Variants in IKBKB observed in about 807,000 individuals in gnomAD.
IKBKB encodes inhibitor of nuclear factor kappa-B kinase subunit beta.
A neutral mutation model predicts 113.6 loss-of-function variants in IKBKB; 42 were observed. The ratio of observed to expected loss-of-function variants is 0.37; its 90% CI spans 0.29 to 0.48. The LOEUF is 0.48. IKBKB is among the 20% of genes least tolerant of loss of function. The pLI, the probability that IKBKB is intolerant of heterozygous loss-of-function variation, is 0.99. For synonymous variants in IKBKB, 296 were observed against 361.3 expected (o/e 0.82, Z 2.05); for missense variants, 673 against 939.7 (o/e 0.72, Z 3.71).
chr8:42,330,674 C>A, intron 21 of IKBKB: 2 of 304,630 alleles, frequency 6.6e-6, no homozygotes, highest in Non-Finnish European at 9.6e-6. Flanking sequence ...CCACGCCTGG[C>A]TAATTTTGTA....
rs1455966580 is a variant in IKBKB at position 42,316,668 on chromosome 8, T to C, written c.931-42T>C. 1.3e-6 allele frequency: 2 copies of C among 1,567,972 alleles called. No homozygotes were observed. The highest frequency in any genetic ancestry group is 2.3e-5 in the East Asian group (1 of 44,380). ...CTAGGCAAATAGATGGGCATTTCCTTGAAGAAATCGGTTTTCCAGTAACAT... is the reference window on the plus strand; with the variant it reads ...CTAGGCAAATAGATGGGCATTTCCTCGAAGAAATCGGTTTTCCAGTAACAT... On this transcript the variant is annotated intron_variant, in intron 10 of 21. Transcript: ENST00000520810. This position sits in a 1 kb window ranked among gnomAD's most constrained non-coding sequence, Gnocchi z 4.5.
At chr8:42,281,462 C>G (rs1433027451) in intron 2 of IKBKB, among the ~76,000 whole-genome samples, 1 of 152,166 alleles carries the variant, frequency 6.6e-6, no homozygotes, top group Non-Finnish European at 1.5e-5. Flanking sequence ...GAGGGAGTTA[C>G]ACCTGGACCT....
chr8:42,314,295 T>C lies in IKBKB; in HGVS notation c.693-27T>C, dbSNP rs201904547. 6.6e-5 allele frequency: 98 copies of C among 1,491,944 alleles called. 2 individuals are homozygous for C. In the South Asian group the frequency reaches 1.0e-3, roughly 16 times the overall value. 92.4% of individuals were successfully genotyped at this position (1,491,944 alleles called of 1,614,324 possible). On this transcript the variant is annotated intron_variant, in intron 8 of 21. Transcript: ENST00000520810. ...TGTCCCCGTCATAGCAACGTGTGAC[T>C]GCACCTAACAAGATTCATATTTGCA...
intron 5 of IKBKB, chr8:42,298,413 G>T (rs960788324): frequency 6.1e-6 from 6 of 985,428 alleles, no homozygotes; most frequent in Non-Finnish European, 7.2e-6. Context: ...CAGGACTTCA[G>T]CGTTAAAGAA....
intron 16 of IKBKB, 61 bp from the exon 17 acceptor site, chr8:42,321,835 A>C: frequency 1.5e-6 from 2 of 1,290,530 alleles, no homozygotes; most frequent in Non-Finnish European, 2.2e-6. Flanking sequence ...TCTACCAAAA[A>C]AATGTAAAAA....
intron 5 of IKBKB, chr8:42,298,018 G>A: frequency 1.2e-6 from 1 of 863,146 alleles, no homozygotes; most frequent in Non-Finnish European, 1.4e-6. Flanking sequence ...GGACCCATGT[G>A]GAGCAGCTGG....
intron 5 of IKBKB, among the ~76,000 whole-genome samples, chr8:42,299,482 G>GTGAT (rs1814682762): frequency 6.6e-6 from 1 of 151,874 alleles, no homozygotes; most frequent in South Asian, 2.1e-4. Flanking sequence ...ACCTCTGTGT[G>GTGAT]TGACCCTTGG....
Position 42,305,385 on chromosome 8 carries a change from G to A in IKBKB, c.477+110G>A, listed in dbSNP as rs950908784. 11 of 687,652 alleles carry A rather than the reference G, an allele frequency of 1.6e-5. No individual in the cohort carries two copies. The African/African-American group carries it at 1.8e-4, about 11-fold the overall frequency. 42.6% of individuals were successfully genotyped at this position (687,652 alleles called of 1,614,324 possible). On this transcript the variant is annotated intron_variant, in intron 6 of 21. Transcript: ENST00000520810. Reference sequence around the variant, plus strand: ...TGTGTGTATTTGCATTTCCTTGCCTGTGCTTTGATTCTCTGGGAATGCTGT... The same window carrying A: ...TGTGTGTATTTGCATTTCCTTGCCTATGCTTTGATTCTCTGGGAATGCTGT...
chr8:42,284,584 A>G (rs1467683545), intron 2 of IKBKB, among the ~76,000 whole-genome samples: 4 of 151,176 alleles, frequency 2.6e-5, no homozygotes, highest in Non-Finnish European at 5.9e-5. Flanking sequence ...TCCGTCTCAA[A>G]AAAAAAAAAA....
intron 2 of IKBKB, among the ~76,000 whole-genome samples, chr8:42,286,446 A>G (rs2130252236): frequency 6.6e-6 from 1 of 152,222 alleles, no homozygotes; most frequent in South Asian, 2.1e-4. Context: ...GAACAGCCAC[A>G]CTGGGAGGCC....
chr8:42,313,319 C>T (rs935609588), intron 8 of IKBKB, among the ~76,000 whole-genome samples: 24 of 152,156 alleles, frequency 1.6e-4, no homozygotes, highest in Non-Finnish European at 3.2e-4. Context: ...GGTGTGGTGG[C>T]GCACACCAGT....
intron 2 of IKBKB, among the ~76,000 whole-genome samples, chr8:42,283,563 C>T (rs1218852091): frequency 6.6e-6 from 1 of 152,116 alleles, no homozygotes; most frequent in African/African-American, 2.4e-5. Context: ...GGCTAAGGGG[C>T]TACGAGCTGA....
chr8:42,280,464 G>A (rs904116506), intron 2 of IKBKB, among the ~76,000 whole-genome samples: 1 of 152,198 alleles, frequency 6.6e-6, no homozygotes, highest in Admixed American at 6.5e-5. Flanking sequence ...CCACCTGGCA[G>A]CATGTTTTGG....
At chr8:42,286,128 A>G (rs1015176040) in intron 2 of IKBKB, among the ~76,000 whole-genome samples, 2 of 152,250 alleles carry the variant, frequency 1.3e-5, no homozygotes, top group Admixed American at 1.3e-4. Flanking sequence ...ATCTGATGGA[A>G]AGCTTAGCCA....
intron 5 of IKBKB, among the ~76,000 whole-genome samples, chr8:42,297,328 G>C (rs888437218): frequency 6.6e-6 from 1 of 152,180 alleles, no homozygotes; most frequent in African/African-American, 2.4e-5. Flanking sequence ...GTTCCAGTTT[G>C]TTCCAAGTGC....
intron 2 of IKBKB, 152 bp from the exon 3 acceptor site, chr8:42,288,482 G>A (rs1459136162): frequency 1.1e-5 from 6 of 528,300 alleles, no homozygotes; most frequent in Admixed American, 3.0e-5. Flanking sequence ...CAGGTGCTAC[G>A]TGGCTGTCGA....
rs949271597 is a variant in IKBKB at position 42,271,418 on chromosome 8, C to T, written c.-70C>T. On this transcript the variant is annotated 5_prime_UTR_variant, in exon 1 of 22. Transcript: ENST00000520810. ...GCCCCGGGTTTGGCCGCCCCAGCCC[C>T]GCCTTCCCCGCCCCGGGGAGCCCGC... 1.3e-6 allele frequency: 2 copies of T among 1,506,882 alleles called. No individual in the cohort carries two copies. The highest frequency in any genetic ancestry group is 1.2e-5 in the South Asian group (1 of 83,358). 93.3% of individuals were successfully genotyped at this position (1,506,882 alleles called of 1,614,324 possible).
intron 11 of IKBKB, among the ~76,000 whole-genome samples, 156 bp from the exon 12 acceptor site, chr8:42,317,501 G>T (rs1164544252): frequency 6.6e-6 from 1 of 152,188 alleles, no homozygotes; most frequent in African/African-American, 2.4e-5. Flanking sequence ...AGTAAGTGTG[G>T]CTGGAAACGT....
chr8:42,299,087 T>C (rs1049693984), intron 5 of IKBKB, among the ~76,000 whole-genome samples: 1 of 152,214 alleles, frequency 6.6e-6, no homozygotes, highest in African/African-American at 2.4e-5. Context: ...CAGGTCTTTC[T>C]TCCAAAGTCA....
Sources: allele counts gnomAD v4.1 joint callset (sites outside exome capture counted in the v4.1 genomes callset), GRCh38; gene constraint gnomAD v4.1.1; non-coding constraint Gnocchi (gnomAD v3.1); transcripts MANE v1.5; gene names NCBI Gene and HGNC (gene_info 2026-07-23, HGNC 2026-07-21).